Variants in NBEAL1 observed in about 807,000 individuals in gnomAD.
NBEAL1 encodes the protein neurobeachin-like protein 1.
A neutral mutation model predicts 351.3 loss-of-function variants in NBEAL1; 273 were observed. That is an observed-to-expected ratio of 0.78 (90% CI 0.70 to 0.86). The LOEUF is 0.86. Among genes scored for constraint, NBEAL1 ranks in the 40% least tolerant of loss-of-function variants. The pLI is 0.00. For missense variants in NBEAL1, 2,961 were observed against 3,201.3 expected, an observed-to-expected ratio of 0.92 and a Z score of 1.81; for synonymous variants, 1,050 against 1,086.4, an observed-to-expected ratio of 0.97 and a Z score of 0.66.
At chr2:203,029,223 C>T (rs1397148065) in intron 2 of NBEAL1, among the ~76,000 whole-genome samples, 1 of 152,184 alleles carries the variant, frequency 6.6e-6, no homozygotes, top group Non-Finnish European at 1.5e-5. Flanking sequence ...CTCCTGGCCT[C>T]AAGTGCTCTG....
chr2:203,165,619 T>C (rs2064109264), intron 36 of NBEAL1, among the ~76,000 whole-genome samples: 3 of 152,346 alleles, frequency 2.0e-5, no homozygotes, highest in Non-Finnish European at 4.4e-5. Flanking sequence ...GATGTAAAGC[T>C]TATTTTTAAT....
At chr2:203,117,709 T>G (rs1411463337) in intron 18 of NBEAL1, among the ~76,000 whole-genome samples, 1 of 152,182 alleles carries the variant, frequency 6.6e-6, no homozygotes, top group Non-Finnish European at 1.5e-5. Flanking sequence ...GGAGACAGGT[T>G]CTCAGTCTGC....
chr2:203,112,180 T>G, intron 16 of NBEAL1, 82 bp downstream of exon 16: 1 of 1,393,394 alleles, frequency 7.2e-7, no homozygotes, highest in South Asian at 1.5e-5. Flanking sequence ...AAGGTTATGT[T>G]TATTGTAAAT....
At chr2:203,161,452 A>C (rs1378210165) in intron 36 of NBEAL1, among the ~76,000 whole-genome samples, 3 of 151,346 alleles carry the variant, frequency 2.0e-5, no homozygotes, top group African/African-American at 7.3e-5. Flanking sequence ...AACATGGTGA[A>C]ACCCTGTCTC....
At chr2:203,096,932 G>A (rs2062197585) in intron 10 of NBEAL1, among the ~76,000 whole-genome samples, 1 of 152,076 alleles carries the variant, frequency 6.6e-6, no homozygotes, top group South Asian at 2.1e-4. Flanking sequence ...TCTTTTTTGT[G>A]TGTATTAGTC....
At chr2:203,183,067 TAACAA>T in intron 43 of NBEAL1, 1 of 325,808 alleles carries the variant, frequency 3.1e-6, no homozygotes, top group Non-Finnish European at 5.6e-6. Flanking sequence ...TTTTTTTGCT[TAACAA>T]CTTAATTCTT....
At chr2:203,109,600 A>G (rs903232180) in intron 14 of NBEAL1, among the ~76,000 whole-genome samples, 4 of 151,714 alleles carry the variant, frequency 2.6e-5, no homozygotes, top group Admixed American at 6.6e-5. Context: ...GCCGACTGCA[A>G]CCTCCACCTC....
chr2:203,170,096 C>T (rs139272740), intron 39 of NBEAL1, among the ~76,000 whole-genome samples: 16 of 152,216 alleles, frequency 1.1e-4, no homozygotes, highest in Non-Finnish European at 2.2e-4. Context: ...TAAGGCTGGG[C>T]GCAGTGGCTC....
chr2:203,172,323 C>T (rs1008275808), intron 40 of NBEAL1, among the ~76,000 whole-genome samples: 1 of 152,062 alleles, frequency 6.6e-6, no homozygotes, highest in Admixed American at 6.6e-5. Flanking sequence ...GAGTTTGAGA[C>T]GAGCCTAGTC....
intron 44 of NBEAL1, among the ~76,000 whole-genome samples, chr2:203,186,740 C>G (rs1029180054): frequency 6.6e-6 from 1 of 152,332 alleles, no homozygotes; most frequent in South Asian, 2.1e-4. Flanking sequence ...CAGTTTCTCT[C>G]TTTTACTCTA....
At chr2:203,041,733 T>G in intron 2 of NBEAL1, 32 bp from the exon 3 acceptor site, 1 of 1,425,426 alleles carries the variant, frequency 7.0e-7, no homozygotes, top group Admixed American at 2.1e-5. Context: ...CTGATAGGCA[T>G]ACTTAATATT....
chr2:203,071,746 A>G (rs1393153825), intron 7 of NBEAL1, among the ~76,000 whole-genome samples: 1 of 152,224 alleles, frequency 6.6e-6, no homozygotes, highest in Admixed American at 6.5e-5. Flanking sequence ...AATAAGTTAT[A>G]TGTAACCAGA....
In NBEAL1 at chr2:203,073,581, T is replaced by G. The variant is rs1448571143; in HGVS notation, c.599-4171T>G. 2.6e-5 allele frequency among the ~76,000 whole-genome samples: 4 copies of G among 152,286 alleles called. No individual in the cohort carries two copies. In the South Asian group the frequency reaches 8.3e-4, roughly 32 times the overall value. On this transcript the variant is annotated intron_variant, in intron 7 of 55. Transcript: ENST00000683969. ...ACCTTAGCCCAGGGGTTCGGGGCTA[T>G]AGTACACTATGATTGTGCCTATGAA...
chr2:203,052,365 A>G (rs771062144), intron 4 of NBEAL1: 1 of 152,922 alleles, frequency 6.5e-6, no homozygotes, highest in Non-Finnish European at 1.5e-5. Flanking sequence ...TTAGCCACAT[A>G]AAGTTTTTTG....
rs760379513 is a variant in NBEAL1 at position 203,062,305 on chromosome 2, G to A, written c.515+4852G>A. On this transcript the variant is annotated intron_variant, in intron 6 of 55. Transcript: ENST00000683969. The surrounding 1 kb of genome is among the most constrained non-coding windows in gnomAD (Gnocchi z 4.2). Reference sequence around the variant, plus strand: ...AGCCAAATTCCTGAAGGTTTCCTGCGTCACATCTCTATAAGAGTTTCTTCT... The same window carrying A: ...AGCCAAATTCCTGAAGGTTTCCTGCATCACATCTCTATAAGAGTTTCTTCT... 9.6e-5 allele frequency: 46 copies of A among 478,588 alleles called. No homozygotes were observed. The highest frequency in any genetic ancestry group is 1.5e-4 in the South Asian group (10 of 66,526). 29.6% of individuals were successfully genotyped at this position (478,588 alleles called of 1,614,324 possible).
intron 31 of NBEAL1, among the ~76,000 whole-genome samples, chr2:203,139,557 C>CTTTTTTTTTTT (rs370861737): frequency 1.5e-4 from 10 of 67,646 alleles, no homozygotes; most frequent in East Asian, 5.1e-4. Context: ...CCACCCCCAC[C>CTTTTTTTTTTT]TTTTTTTTTT....
rs1348033326 is a variant in NBEAL1 at position 203,068,476 on chromosome 2, G to A, written c.598+1G>A. ...GTGGAATTCGTCCCTTTCTTTTATC[G>A]TAAGTAACACCTCTAATTTCTCTTG... On this transcript the variant is annotated splice_donor_variant, in intron 7 of 55. Coordinates refer to ENST00000683969, the MANE Select transcript of NBEAL1 (RefSeq NM_001378026.1). LOFTEE classifies it high-confidence loss of function. 1.1e-5 allele frequency: 17 copies of A among 1,511,992 alleles called. No homozygotes were observed. Among genetic ancestry groups the A allele is most frequent in the East Asian group, 2.5e-5 (1 of 40,626 alleles). The allele number at this position is 1,511,992 out of a possible 1,614,324, so 93.7% of individuals were successfully genotyped here. A position where few individuals can be genotyped will look rare whatever the true frequency, so the allele number is the denominator to read the frequency against.
At position 203,125,451 on chromosome 2, in the gene NBEAL1, AGCACAGTTCCT is replaced by A. The variant is rs1389796683; in HGVS notation, c.2784_2794del (p.Ser928ArgfsTer7). On this transcript the variant is annotated frameshift_variant, in exon 20 of 56. Transcript: ENST00000683969. LOFTEE classifies it high-confidence loss of function. ...ACAGATTCCTGAAGAAAAGAATGAA[AGCACAGTTCCT>A]GAATCAGTAACACCTGTTGAAGGAG... The A allele has an allele frequency of 6.5e-7, 1 of 1,547,576 alleles. No homozygotes were observed. The highest frequency in any genetic ancestry group is 2.0e-5 in the Admixed American group (1 of 50,138).
intron 6 of NBEAL1, among the ~76,000 whole-genome samples, chr2:203,058,158 T>G (rs1424882904): frequency 6.6e-6 from 1 of 152,112 alleles, no homozygotes; most frequent in African/African-American, 2.4e-5. Context: ...ACTGTAGAGC[T>G]TCTGTCATCA....
Sources: allele counts gnomAD v4.1 joint callset (sites outside exome capture counted in the v4.1 genomes callset), GRCh38; gene constraint gnomAD v4.1.1; non-coding constraint Gnocchi (gnomAD v3.1); transcripts MANE v1.5; gene names NCBI Gene and HGNC (gene_info 2026-07-23, HGNC 2026-07-21).